Variants in ACIN1 observed in about 807,000 individuals in gnomAD.
The protein encoded by ACIN1 is apoptotic chromatin condensation inducer in the nucleus.
Under a neutral mutation model 146.6 loss-of-function variants are expected in ACIN1, and 16 were observed. The observed-to-expected ratio is 0.11, with a 90% CI of 0.07 to 0.17. ACIN1 has a LOEUF of 0.17. Ranked by LOEUF, ACIN1 falls within the 10% of genes least tolerant of loss-of-function variation. ACIN1 has a pLI of 1.00. For synonymous variants in ACIN1, 569 were observed against 582.7 expected, an observed-to-expected ratio of 0.98 and a Z score of 0.34; for missense variants, 1,357 against 1,609.3, an observed-to-expected ratio of 0.84 and a Z score of 2.68.
intron 6 of ACIN1, 119 bp from the exon 7 acceptor site, chr14:23,079,157 GT>G: frequency 9.8e-7 from 1 of 1,021,390 alleles, no homozygotes; most frequent in Non-Finnish European, 1.4e-6. Flanking sequence ...TTTTGTCTGT[GT>G]TTACTCCCAT....
In ACIN1 at chr14:23,062,938, G is replaced by A. The variant is rs565820878; in HGVS notation, c.2874C>T (p.Ile958=). ...PRGKISNIVH[I]SNLVRPFTLG... ...AGAAACAATGACTTACCAAATTGGAGATATGGACAATGTTGCTAATCTTGC... is the reference window on the plus strand; with the variant it reads ...AGAAACAATGACTTACCAAATTGGAAATATGGACAATGTTGCTAATCTTGC... The change falls in exon 14 of 19, where the codon ATC becomes ATT. Residue 958 remains isoleucine (I), a synonymous_variant. Transcript: ENST00000605057. 6.2e-7 allele frequency: 1 copy of A among 1,606,692 alleles called. No individual in the cohort carries two copies. Among genetic ancestry groups the A allele is most frequent in the Admixed American group, 1.7e-5 (1 of 57,812 alleles).
intron 1 of ACIN1, among the ~76,000 whole-genome samples, chr14:23,093,803 G>A (rs2048291515): frequency 6.6e-6 from 1 of 152,188 alleles, no homozygotes; most frequent in Non-Finnish European, 1.5e-5. Context: ...ACCTGGCTAT[G>A]TCATAATATC....
Position 23,079,761 on chromosome 14 carries a change from G to A in ACIN1, c.1574C>T (p.Ser525Leu). ...SADSSSSRSS[S>L]SSSSSSRSRS... ...TGATCTAGAACTGGAGGAGGAAGAT[G>A]AGGAGGACCGGCTAGAGGATGAATC... Residue 525 changes from serine (S) to leucine (L), a missense_variant, in exon 6 of 19, where the codon TCA becomes TTA. This residue lies in a region of ACIN1 where 771 missense variants were observed against 746.6 expected (regional missense o/e 1.03). Coordinates refer to ENST00000605057, the MANE Select transcript of ACIN1 (RefSeq NM_001386863.1). 6.2e-7 allele frequency: 1 copy of A among 1,614,200 alleles called. No individual in the cohort carries two copies. Among genetic ancestry groups the A allele is most frequent in the Non-Finnish European group, 8.5e-7 (1 of 1,180,042 alleles).
chr14:23,071,454 T>C (rs539235519), intron 8 of ACIN1: 5 of 1,551,634 alleles, frequency 3.2e-6, no homozygotes, highest in African/African-American at 1.4e-5. Context: ...GCTGGATTGG[T>C]CTCTCTGGAG....
chr14:23,094,113 C>T (rs1176481162), intron 1 of ACIN1, among the ~76,000 whole-genome samples: 1 of 143,664 alleles, frequency 7.0e-6, no homozygotes, highest in African/African-American at 2.6e-5. Flanking sequence ...TCCACACAAA[C>T]ACACACACAC....
intron 5 of ACIN1, 99 bp downstream of exon 5, chr14:23,081,649 C>T: frequency 9.3e-7 from 1 of 1,071,416 alleles, no homozygotes; most frequent in Non-Finnish European, 1.4e-6. Flanking sequence ...AAACAAAACC[C>T]CTAAATGTAG....
rs1330919701 is a variant in ACIN1 at position 23,080,472 on chromosome 14, T to C, written c.863A>G (p.Glu288Gly). The change falls in exon 6 of 19, where the codon GAG becomes GGG. Residue 288 changes from glutamate (E) to glycine (G), a missense_variant. Glu to Gly is a moderately conservative substitution (Grantham distance 98). Coordinates refer to ENST00000605057, the MANE Select transcript of ACIN1 (RefSeq NM_001386863.1). ...TCTGGCCAGATGACTTTTTCTAGCC[T>C]CTTCCTGGGATCTTGTAAATCTCCC... Reference protein sequence around the residue: ...RGGRFTRSQEEARKSHLARQQ... With the variant: ...RGGRFTRSQEGARKSHLARQQ... 1.2e-6 allele frequency: 2 copies of C among 1,614,174 alleles called. No homozygotes were observed. Among genetic ancestry groups the C allele is most frequent in the East Asian group, 2.2e-5 (1 of 44,886 alleles).
rs1471525296 is a variant in ACIN1 at position 23,078,689 on chromosome 14, GATT to G, written c.2007+128_2007+130del. The stretch of plus-strand genomic sequence containing the variant: ...AGGGAGCTGGAAATGAGTTAAGCAG[GATT>G]AACAGGTATCCACCACATTTCTACT... On this transcript the variant is annotated intron_variant, in intron 7 of 18. Transcript: ENST00000605057. 3 of 986,352 alleles carry G rather than the reference GATT, an allele frequency of 3.0e-6. No homozygotes were observed. In the East Asian group the frequency reaches 7.9e-5, roughly 26 times the overall value. The allele number at this position is 986,352 out of a possible 1,614,324, so 61.1% of individuals were successfully genotyped here.
At chr14:23,087,631 C>CTT (rs1008541723) in intron 4 of ACIN1, among the ~76,000 whole-genome samples, 4 of 151,880 alleles carry the variant, frequency 2.6e-5, no homozygotes, top group Non-Finnish European at 5.9e-5. Context: ...GACAGCCTCT[C>CTT]TTTTTAAAGA....
intron 8 of ACIN1, among the ~76,000 whole-genome samples, chr14:23,077,373 C>G (rs2047828467): frequency 6.6e-6 from 1 of 152,202 alleles, no homozygotes; most frequent in Non-Finnish European, 1.5e-5. Context: ...TGTCTAAAAG[C>G]TACGCAATCT....
chr14:23,092,022 A>G (rs1318114751), intron 2 of ACIN1, among the ~76,000 whole-genome samples: 4 of 152,226 alleles, frequency 2.6e-5, no homozygotes, highest in Non-Finnish European at 5.9e-5. Flanking sequence ...TCCATTCAGC[A>G]TTTAGACAAA....
rs199784708 is a variant in ACIN1, at chr14:23,093,551, T to G, written c.139-7A>C. 19 of 1,613,100 alleles carry G rather than the reference T, an allele frequency of 1.2e-5. No individual in the cohort carries two copies. The highest frequency in any genetic ancestry group is 1.4e-5 in the Non-Finnish European group (16 of 1,179,290). ...AATTTTCTAGCATTAGAGCCTGGTA[T>G]AGAGAAGGGTAAAAGTCAGAAATGA... On this transcript the variant is annotated splice_region_variant and splice_polypyrimidine_tract_variant and intron_variant, in intron 1 of 18. Coordinates refer to ENST00000605057, the MANE Select transcript of ACIN1 (RefSeq NM_001386863.1).
At position 23,067,439 on chromosome 14, in the gene ACIN1, A is replaced by AGGTGGGCGCACGGCGT; in HGVS notation, c.2266-1447_2266-1432dup. Reference sequence around the variant, plus strand: ...TGGTGGGGGGTTGGGTTGGCAAAAAAGGTGGGCGCACGGCGTGGTAGTCAG... The same window carrying AGGTGGGCGCACGGCGT: ...TGGTGGGGGGTTGGGTTGGCAAAAAAGGTGGGCGCACGGCGTGGTGGGCGCACGGCGTGGTAGTCAG... On this transcript the variant is annotated intron_variant, in intron 9 of 18. Transcript: ENST00000605057. This position sits in a 1 kb window ranked among gnomAD's most constrained non-coding sequence, Gnocchi z 4.6. 1.0e-6 allele frequency: 1 copy of AGGTGGGCGCACGGCGT among 965,712 alleles called. No individual in the cohort carries two copies. Among genetic ancestry groups the AGGTGGGCGCACGGCGT allele is most frequent in the Non-Finnish European group, 1.2e-6 (1 of 824,346 alleles). The allele number at this position is 965,712 out of a possible 1,614,324, so 59.8% of individuals were successfully genotyped here.
At chr14:23,066,126 A>T in intron 9 of ACIN1, 118 bp from the exon 10 acceptor site, 2 of 697,848 alleles carry the variant, frequency 2.9e-6, no homozygotes, top group Non-Finnish European at 4.8e-6. Flanking sequence ...ATAGAGTGAG[A>T]GAGAGAGACA....
intron 14 of ACIN1, 47 bp from the exon 15 acceptor site, chr14:23,062,570 C>T: frequency 6.6e-7 from 1 of 1,512,976 alleles, no homozygotes; most frequent in Non-Finnish European, 9.2e-7. Flanking sequence ...GGCAAGACCA[C>T]CACCCAATCT....
chr14:23,073,356 C>T (rs2047713259), intron 8 of ACIN1, among the ~76,000 whole-genome samples: 1 of 152,160 alleles, frequency 6.6e-6, no homozygotes, highest in South Asian at 2.1e-4. Context: ...TTACTAAATG[C>T]TTGCTAACCT....
chr14:23,075,582 T>TGGTG (rs1361073579), intron 8 of ACIN1, among the ~76,000 whole-genome samples: 1 of 148,546 alleles, frequency 6.7e-6, no homozygotes, highest in Non-Finnish European at 1.5e-5. Context: ...CTCTTCCAAA[T>TGGTG]GGTGACAGGT....
intron 16 of ACIN1, 151 bp downstream of exon 16, chr14:23,062,017 C>A (rs2140001287): frequency 1.6e-6 from 1 of 632,610 alleles, no homozygotes; most frequent in Non-Finnish European, 2.7e-6. Flanking sequence ...CACTTTGAAG[C>A]CCCATGGTAC....
At position 23,080,254 on chromosome 14, in the gene ACIN1, G is replaced by C. The variant is rs1285517316; in HGVS notation, c.1081C>G (p.Leu361Val). ...ASEEETPPPL[L>V]TKEASSPPPH... ...GGTGGAGAAGATGCTTCCTTTGTTA[G>C]TAAAGGTGGAGGAGTCTCCTCCTCG... is the stretch of plus-strand genomic sequence containing the variant. The change falls in exon 6 of 19, where the codon CTA becomes GTA. Residue 361 changes from leucine (L) to valine (V), a missense_variant. Leu to Val is a conservative substitution (Grantham distance 32). Coordinates refer to ENST00000605057, the MANE Select transcript of ACIN1 (RefSeq NM_001386863.1). 2 of 1,614,102 alleles carry C rather than the reference G, an allele frequency of 1.2e-6. No homozygotes were observed. The highest frequency in any genetic ancestry group is 1.7e-6 in the Non-Finnish European group (2 of 1,180,038).
Sources: allele counts gnomAD v4.1 joint callset (sites outside exome capture counted in the v4.1 genomes callset), GRCh38; gene constraint gnomAD v4.1.1; regional missense constraint gnomAD v4.1.1; non-coding constraint Gnocchi (gnomAD v3.1); transcripts MANE v1.5; gene names NCBI Gene and HGNC (gene_info 2026-07-23, HGNC 2026-07-21).